Variants in PCDHA11 observed in about 807,000 individuals in gnomAD.
PCDHA11 encodes protocadherin alpha-11.
PCDHA11 carries 61 observed loss-of-function variants against 70.3 expected under a neutral mutation model. The ratio of observed to expected loss-of-function variants is 0.87; its 90% CI spans 0.71 to 1.07. PCDHA11 has a LOEUF of 1.07. PCDHA11 is among the 50% of genes least tolerant of loss of function. PCDHA11 has a pLI of 0.00. For synonymous variants in PCDHA11, 633 were observed against 555.1 expected (o/e 1.14, Z -1.97); for missense variants, 1,324 against 1,237.5 (o/e 1.07, Z -1.05).
Position 141,010,456 on chromosome 5 carries a change from TATC to T in PCDHA11, c.*521_*523del. The T allele has an allele frequency of 1.1e-6, 1 of 877,088 alleles. No individual in the cohort carries two copies. The highest frequency in any genetic ancestry group is 3.0e-5 in the Admixed American group (1 of 33,582). The allele number at this position is 877,088 out of a possible 1,614,324, so 54.3% of individuals were successfully genotyped here. On this transcript the variant is annotated 3_prime_UTR_variant, in exon 4 of 4. Transcript: ENST00000398640. ...ACAAAGACAAATAAACAGCGGAAGT[TATC>T]AGTATGGAGGGGAAGTGTAAACTTA... is the stretch of plus-strand genomic sequence containing the variant.
chr5:140,916,706 G>A (rs1179319029), intron 1 of PCDHA11, among the ~76,000 whole-genome samples: 1 of 152,200 alleles, frequency 6.6e-6, no homozygotes, highest in Admixed American at 6.5e-5. Flanking sequence ...TCCTTAAGCA[G>A]AAGGAAGGAG....
intron 1 of PCDHA11, among the ~76,000 whole-genome samples, chr5:140,921,661 A>C (rs1554200347): frequency 1.3e-5 from 2 of 152,226 alleles, no homozygotes; most frequent in African/African-American, 4.8e-5. Context: ...CTTAATAAAA[A>C]TTTAACAGTT....
intron 1 of PCDHA11, among the ~76,000 whole-genome samples, chr5:140,946,631 T>TATATATATACAC (rs57893927): frequency 0.012 from 1,602 of 131,782 alleles, 27 homozygotes; most frequent in South Asian, 0.028. Flanking sequence ...TATATATATA[T>TATATATATACAC]ACAATGGAAT....
chr5:140,928,592 T>G (rs781970359), intron 1 of PCDHA11: 1 of 1,614,178 alleles, frequency 6.2e-7, no homozygotes, highest in Non-Finnish European at 8.5e-7. Context: ...TCTGTCCCAG[T>G]GGAAATTGTG....
chr5:140,894,892 G>T (rs941698896), intron 1 of PCDHA11, among the ~76,000 whole-genome samples: 8 of 152,060 alleles, frequency 5.3e-5, no homozygotes, highest in Non-Finnish European at 1.0e-4. Flanking sequence ...AACAGACCAG[G>T]ATAATTTTCC....
At chr5:141,004,679 TG>T in intron 3 of PCDHA11, among the ~76,000 whole-genome samples, 1 of 152,160 alleles carries the variant, frequency 6.6e-6, no homozygotes, top group South Asian at 2.1e-4. Context: ...GACTGTGGAG[TG>T]GTGCTGAAAC....
chr5:140,979,145 G>A, intron 2 of PCDHA11, 138 bp downstream of exon 2: 1 of 1,447,220 alleles, frequency 6.9e-7, no homozygotes, highest in Non-Finnish European at 9.1e-7. Context: ...CAATTATTTT[G>A]TCCCCATGTT....
Position 140,978,996 on chromosome 5 carries a change from A to C in PCDHA11, c.2439A>C (p.Ala813=). Residue 813 remains alanine, a synonymous_variant, in exon 2 of 4, where the codon GCA becomes GCC. Transcript: ENST00000398640. ...GGCGTTACTCTGCCTCCCTGAGAGC[A>C]GGCATGCACAGGTATGTATTTCCCT... ...PDWRYSASLR[A]GMHSSVHLEE... is the part of the protein sequence containing the mutation. 6.2e-7 allele frequency: 1 copy of C among 1,614,186 alleles called. No individual in the cohort carries two copies. The highest frequency in any genetic ancestry group is 8.5e-7 in the Non-Finnish European group (1 of 1,180,024).
chr5:140,912,393 G>T (rs1312827248), intron 1 of PCDHA11, among the ~76,000 whole-genome samples: 1 of 147,816 alleles, frequency 6.8e-6, no homozygotes, highest in Admixed American at 6.7e-5. Context: ...TTCTTAATTT[G>T]ATTCTCAGCT....
At chr5:140,957,473 GA>G (rs1446179332) in intron 1 of PCDHA11, among the ~76,000 whole-genome samples, 1 of 151,954 alleles carries the variant, frequency 6.6e-6, no homozygotes, top group Non-Finnish European at 1.5e-5. Context: ...GTATGTATAG[GA>G]AAAAACATAG....
intron 1 of PCDHA11, among the ~76,000 whole-genome samples, chr5:140,952,338 CAAAAA>C (rs55931446): frequency 7.4e-5 from 10 of 135,008 alleles, no homozygotes; most frequent in Admixed American, 1.5e-4. Context: ...AACTCCATCT[CAAAAA>C]AAAAAAAAAA....
intron 1 of PCDHA11, chr5:140,927,217 A>C: frequency 6.2e-7 from 1 of 1,614,082 alleles, no homozygotes; most frequent in Non-Finnish European, 8.5e-7. Context: ...GGAGCTGCAC[A>C]AGATTCGGAT....
At chr5:140,876,424 A>G in intron 1 of PCDHA11, 1 of 1,613,970 alleles carries the variant, frequency 6.2e-7, no homozygotes. Context: ...TGCCTATGAA[A>G]TTCAGGTTAA....
chr5:140,883,294 T>A (rs782475623), intron 1 of PCDHA11: 6 of 1,613,956 alleles, frequency 3.7e-6, no homozygotes, highest in Non-Finnish European at 4.2e-6. Context: ...AAGTACTAGA[T>A]GTAAATGATA....
Position 141,010,368 on chromosome 5 carries a change from C to G in PCDHA11, c.*431C>G, listed in dbSNP as rs368481822. 3,124 of 1,471,046 alleles carry G rather than the reference C, an allele frequency of 2.1e-3. 5 individuals are homozygous for G. Among genetic ancestry groups the G allele is most frequent in the Middle Eastern group, 8.7e-3 (36 of 4,144 alleles). The allele number at this position is 1,471,046 out of a possible 1,614,324, so 91.1% of individuals were successfully genotyped here. A position where few individuals can be genotyped will look rare whatever the true frequency, so the allele number is the denominator to read the frequency against. On this transcript the variant is annotated 3_prime_UTR_variant, in exon 4 of 4. Coordinates refer to ENST00000398640, the MANE Select transcript of PCDHA11 (RefSeq NM_018902.5). ...GGTATGTGTGGCTACCGCGGGTATG[C>G]GAGTGCCAGATATTGGCTGAGACGA...
chr5:140,900,618 C>A (rs1382793608), intron 1 of PCDHA11, among the ~76,000 whole-genome samples: 1 of 152,180 alleles, frequency 6.6e-6, no homozygotes, highest in Non-Finnish European at 1.5e-5. Context: ...ATGTAGATTG[C>A]TTCCAAATCT....
chr5:140,915,626 GTCTCTC>G (rs57920489), intron 1 of PCDHA11, among the ~76,000 whole-genome samples: 2,942 of 146,518 alleles, frequency 0.02, 88 homozygotes, highest in African/African-American at 0.07. Context: ...GTCTCTTTCT[GTCTCTC>G]TCTCTCTCTC....
chr5:140,941,841 A>G (rs1483251367), intron 1 of PCDHA11, among the ~76,000 whole-genome samples: 1 of 152,180 alleles, frequency 6.6e-6, no homozygotes, highest in Non-Finnish European at 1.5e-5. Flanking sequence ...TTAGGCTGCC[A>G]TTACCTGATA....
intron 1 of PCDHA11, among the ~76,000 whole-genome samples, chr5:140,963,173 G>C (rs2095742129): frequency 6.6e-6 from 1 of 151,942 alleles, no homozygotes; most frequent in Non-Finnish European, 1.5e-5. Flanking sequence ...CCATCTTACA[G>C]ATATGCTGTA....
Sources: allele counts gnomAD v4.1 joint callset (sites outside exome capture counted in the v4.1 genomes callset), GRCh38; gene constraint gnomAD v4.1.1; transcripts MANE v1.5; gene names NCBI Gene and HGNC (gene_info 2026-07-23, HGNC 2026-07-21).